Variants in SCD5 observed in about 807,000 individuals in gnomAD.
SCD5 encodes the protein stearoyl-CoA desaturase 5.
Under a neutral mutation model 30.4 loss-of-function variants are expected in SCD5, and 20 were observed. The observed-to-expected ratio is 0.66, with a 90% confidence interval of 0.46 to 0.96. SCD5 has a LOEUF of 0.96. Among genes scored for constraint, SCD5 ranks in the 40% least tolerant of loss-of-function variants. The probability of loss-of-function intolerance (pLI) is 0.00; values close to 1 mark genes in which losing one functional copy is unlikely to be tolerated. For missense variants in SCD5, 381 were observed against 443.3 expected (o/e 0.86, Z 1.26); for synonymous variants, 173 against 176.4 (o/e 0.98, Z 0.16).
chr4:82,649,239 G>A (rs1050742159), intron 3 of SCD5, among the ~76,000 whole-genome samples: 1 of 150,832 alleles, frequency 6.6e-6, no homozygotes, highest in Non-Finnish European at 1.5e-5. Flanking sequence ...TCACCTTAGA[G>A]GCAGTTCATT....
At chr4:82,664,017 C>A (rs1056136464) in intron 3 of SCD5, among the ~76,000 whole-genome samples, 1 of 152,164 alleles carries the variant, frequency 6.6e-6, no homozygotes, top group Non-Finnish European at 1.5e-5. Flanking sequence ...AAGAAACCCT[C>A]TACTCTTATA....
chr4:82,654,269 C>T (rs972016679), intron 3 of SCD5, among the ~76,000 whole-genome samples: 1 of 152,168 alleles, frequency 6.6e-6, no homozygotes, highest in Non-Finnish European at 1.5e-5. Flanking sequence ...TATAGGAAAA[C>T]AGGCAGTGTG....
chr4:82,732,017 C>G (rs1720654321), intron 1 of SCD5, among the ~76,000 whole-genome samples: 1 of 152,192 alleles, frequency 6.6e-6, no homozygotes, highest in Non-Finnish European at 1.5e-5. Flanking sequence ...TCTCTCTTCT[C>G]CCCACTTTCC....
intron 1 of SCD5, among the ~76,000 whole-genome samples, chr4:82,772,900 T>C (rs964081110): frequency 2.6e-5 from 4 of 152,178 alleles, no homozygotes; most frequent in Admixed American, 6.5e-5. Flanking sequence ...AGTAATTATA[T>C]GGGTTATGAA....
chr4:82,735,742 G>A (rs907942882), intron 1 of SCD5, among the ~76,000 whole-genome samples: 1 of 152,162 alleles, frequency 6.6e-6, no homozygotes, highest in Non-Finnish European at 1.5e-5. Flanking sequence ...TGCATGTATA[G>A]CTCACAGTTA....
intron 1 of SCD5, among the ~76,000 whole-genome samples, chr4:82,741,491 C>T (rs370996537): frequency 2.3e-4 from 35 of 152,124 alleles, no homozygotes; most frequent in African/African-American, 7.2e-4. Context: ...GTGTGAGTGA[C>T]GGCAGCTGCA....
chr4:82,668,449 A>G (rs1728238302), intron 3 of SCD5, among the ~76,000 whole-genome samples: 1 of 152,070 alleles, frequency 6.6e-6, no homozygotes, highest in Non-Finnish European at 1.5e-5. Context: ...TAGGGCAAGT[A>G]CTCTCCAGAA....
At chr4:82,631,660 C>A in intron 4 of SCD5, 143 bp from the exon 5 acceptor site, 1 of 725,442 alleles carries the variant, frequency 1.4e-6, no homozygotes, top group Non-Finnish European at 2.2e-6. Context: ...TTACTGACTC[C>A]AAAGGCATTG....
chr4:82,716,805 CT>C (rs1490770219), intron 1 of SCD5, among the ~76,000 whole-genome samples: 35 of 151,842 alleles, frequency 2.3e-4, no homozygotes, highest in Admixed American at 3.9e-4. Context: ...CAGAGCTAGA[CT>C]CAGTCTCAAT....
intron 3 of SCD5, among the ~76,000 whole-genome samples, chr4:82,679,418 C>T (rs1054987343): frequency 6.6e-6 from 1 of 152,030 alleles, no homozygotes; most frequent in Non-Finnish European, 1.5e-5. Flanking sequence ...ACAGAGAAAA[C>T]CCTACAGTGA....
chr4:82,640,654 T>C (rs1727523247), intron 3 of SCD5, among the ~76,000 whole-genome samples: 1 of 152,186 alleles, frequency 6.6e-6, no homozygotes, highest in East Asian at 1.9e-4. Flanking sequence ...GGAGTATCCC[T>C]TCCTCCTGTG....
chr4:82,774,195 G>A (rs1721689880), intron 1 of SCD5, among the ~76,000 whole-genome samples: 1 of 151,492 alleles, frequency 6.6e-6, no homozygotes, highest in Non-Finnish European at 1.5e-5. Context: ...CTACAAGGAT[G>A]TAGCCTGATA....
intron 1 of SCD5, among the ~76,000 whole-genome samples, chr4:82,735,678 C>T (rs1720735443): frequency 1.3e-5 from 2 of 152,192 alleles, no homozygotes; most frequent in Admixed American, 1.3e-4. Flanking sequence ...CTGTCACTCA[C>T]CGATTCACCA....
intron 3 of SCD5, among the ~76,000 whole-genome samples, chr4:82,639,428 C>T (rs1378345235): frequency 1.3e-5 from 2 of 152,210 alleles, no homozygotes; most frequent in Non-Finnish European, 2.9e-5. Context: ...TCCGATGGGG[C>T]GTTCTGGGCC....
intron 2 of SCD5, among the ~76,000 whole-genome samples, chr4:82,683,415 T>C (rs1728622636): frequency 6.6e-6 from 1 of 152,202 alleles, no homozygotes; most frequent in African/African-American, 2.4e-5. Context: ...TGTCCCCCAT[T>C]CACAGATGGC....
intron 1 of SCD5, among the ~76,000 whole-genome samples, chr4:82,771,619 G>A (rs966948312): frequency 1.3e-4 from 19 of 151,008 alleles, no homozygotes; most frequent in African/African-American, 4.2e-4. Flanking sequence ...GGCTGGGGAG[G>A]TTGTAGTGTT....
intron 2 of SCD5, among the ~76,000 whole-genome samples, chr4:82,684,633 G>C (rs1728657344): frequency 2.0e-5 from 3 of 152,078 alleles, no homozygotes; most frequent in Admixed American, 2.0e-4. Context: ...CAAGAAGAGG[G>C]GAAAGCTGAG....
At chr4:82,657,659 G>A (rs764773858) in intron 3 of SCD5, among the ~76,000 whole-genome samples, 1 of 152,140 alleles carries the variant, frequency 6.6e-6, no homozygotes, top group Non-Finnish European at 1.5e-5. Context: ...GCTTGATGGG[G>A]ATAGCACTGA....
rs70964800 is a variant in SCD5 at position 82,664,999 on chromosome 4, C to CTATATATATATATATA, written c.569+15692_569+15707dup. Among the ~76,000 whole-genome samples, 38 of 70,474 alleles carry CTATATATATATATATA rather than the reference C, an allele frequency of 5.4e-4. 1 individual carries two copies. The highest frequency in any genetic ancestry group is 3.6e-3 in the South Asian group (5 of 1,376). 46.2% of individuals were successfully genotyped at this position (70,474 alleles called of 152,430 possible). A position where few individuals can be genotyped will look rare whatever the true frequency, so the allele number is the denominator to read the frequency against. On this transcript the variant is annotated intron_variant, in intron 3 of 4. Coordinates refer to ENST00000319540, the MANE Select transcript of SCD5 (RefSeq NM_001037582.3). ...TCTCTCTCTCTCTCTCTCTCTCTCT[C>CTATATATATATATATA]TATATATATATATATATATATGTAT...
Sources: gnomAD v4.1 joint callset for allele counts (sites outside exome capture counted in the v4.1 genomes callset) on GRCh38, gnomAD v4.1.1 for gene constraint, MANE v1.5 for transcripts, NCBI Gene and HGNC (gene_info 2026-07-23, HGNC 2026-07-21) for gene names.